The following NRXN1 variants were observed in gnomAD, a reference collection of about 807,000 sequenced individuals.
The protein encoded by NRXN1 is neurexin-1.
A neutral mutation model predicts 150.9 loss-of-function variants in NRXN1; 39 were observed. That is an observed-to-expected ratio of 0.26 (90% confidence interval 0.20 to 0.34). NRXN1 has a LOEUF of 0.34. Among genes scored for constraint, NRXN1 ranks in the 10% least tolerant of loss-of-function variants. The pLI is 1.00. For synonymous variants in NRXN1, 924 were observed against 757.0 expected, an observed-to-expected ratio of 1.22 and a Z score of -3.62; for missense variants, 1,815 against 1,949.9, an observed-to-expected ratio of 0.93 and a Z score of 1.30.
At chr2:50,663,497 G>C (rs1471749180) in intron 5 of NRXN1, among the ~76,000 whole-genome samples, 1 of 151,952 alleles carries the variant, frequency 6.6e-6, no homozygotes, top group Non-Finnish European at 1.5e-5. Flanking sequence ...TTAAATTGGA[G>C]ACTGAAGTCT....
At chr2:51,001,928 C>T (rs1046046805) in intron 2 of NRXN1, among the ~76,000 whole-genome samples, 1 of 151,894 alleles carries the variant, frequency 6.6e-6, no homozygotes, top group Non-Finnish European at 1.5e-5. Flanking sequence ...GATACCCTCC[C>T]TATATTGGGA....
intron 17 of NRXN1, among the ~76,000 whole-genome samples, chr2:50,377,776 G>C (rs1312811750): frequency 6.6e-6 from 1 of 152,090 alleles, no homozygotes; most frequent in Non-Finnish European, 1.5e-5. Flanking sequence ...AGAAAAACAA[G>C]AAAAGTCATC....
chr2:50,783,578 G>C (rs374653684), intron 5 of NRXN1, among the ~76,000 whole-genome samples: 1 of 152,054 alleles, frequency 6.6e-6, no homozygotes, highest in Admixed American at 6.6e-5. Context: ...CTATGGAAAA[G>C]AACAGTACAA....
chr2:49,926,617 G>GA (rs1401510508), intron 22 of NRXN1, among the ~76,000 whole-genome samples: 1 of 151,998 alleles, frequency 6.6e-6, no homozygotes, highest in East Asian at 1.9e-4. Context: ...TTGTCACATA[G>GA]AAAAAATAAA....
intron 9 of NRXN1, among the ~76,000 whole-genome samples, chr2:50,547,941 T>C (rs1307624293): frequency 1.3e-5 from 2 of 152,126 alleles, no homozygotes; most frequent in East Asian, 1.9e-4. Context: ...ATGTCTCAGA[T>C]TGGAAGAAGG....
intron 2 of NRXN1, among the ~76,000 whole-genome samples, chr2:51,023,681 A>G (rs1021026220): frequency 6.6e-6 from 1 of 152,196 alleles, no homozygotes; most frequent in Non-Finnish European, 1.5e-5. Context: ...GAAAGTAATA[A>G]TTATTTCTGC....
At chr2:50,359,753 A>G (rs551729420) in intron 17 of NRXN1, among the ~76,000 whole-genome samples, 8 of 152,084 alleles carry the variant, frequency 5.3e-5, no homozygotes, top group Non-Finnish European at 1.2e-4. Flanking sequence ...GGAAATACAG[A>G]GAACACCACA....
chr2:50,680,107 C>T (rs1433988241), intron 5 of NRXN1, among the ~76,000 whole-genome samples: 1 of 152,026 alleles, frequency 6.6e-6, no homozygotes, highest in Non-Finnish European at 1.5e-5. Flanking sequence ...TGTGATTGCA[C>T]CTCTGCACTC....
chr2:50,828,558 G>T (rs1489521449), intron 5 of NRXN1, among the ~76,000 whole-genome samples: 10 of 151,402 alleles, frequency 6.6e-5, no homozygotes, highest in Non-Finnish European at 1.5e-4. Context: ...ACGGGGTCGC[G>T]GCCGGGCAGA....
intron 10 of NRXN1, among the ~76,000 whole-genome samples, chr2:50,534,961 C>G (rs1030087999): frequency 3.9e-5 from 6 of 152,076 alleles, no homozygotes; most frequent in African/African-American, 1.4e-4. Flanking sequence ...CTCCAGAAAG[C>G]TGCAGGACTG....
intron 18 of NRXN1, among the ~76,000 whole-genome samples, chr2:50,099,365 C>CT (rs60580965): frequency 0.59 from 89,243 of 151,510 alleles, 26,972 homozygotes; most frequent in African/African-American, 0.69. Context: ...CATCAATTTT[C>CT]TTTTTTTTAA....
At chr2:50,620,248 A>G in intron 7 of NRXN1, 65 bp from the exon 8 acceptor site, 1 of 1,489,976 alleles carries the variant, frequency 6.7e-7, no homozygotes, top group South Asian at 1.3e-5. Context: ...ATCCTGGGAT[A>G]TGCCTGTTTT....
chr2:50,115,010 T>A (rs1702847018), intron 18 of NRXN1, among the ~76,000 whole-genome samples: 1 of 151,860 alleles, frequency 6.6e-6, no homozygotes, highest in Admixed American at 6.6e-5. Context: ...AACTATGGAC[T>A]TTGTGTGATA....
chr2:50,016,441 A>G (rs1400540585), intron 21 of NRXN1: 4 of 152,190 alleles, frequency 2.6e-5, no homozygotes, highest in Admixed American at 6.5e-5. Context: ...TCACCCTGCT[A>G]TAAGGAACTG....
intron 22 of NRXN1, among the ~76,000 whole-genome samples, chr2:49,924,030 C>T (rs1668666288): frequency 1.3e-5 from 2 of 152,202 alleles, no homozygotes; most frequent in South Asian, 4.1e-4. Flanking sequence ...ATAGAATCTA[C>T]TGCAGTAACT....
chr2:50,752,450 C>T (rs928651124), intron 5 of NRXN1, among the ~76,000 whole-genome samples: 25 of 151,862 alleles, frequency 1.6e-4, no homozygotes, highest in Non-Finnish European at 3.1e-4. Flanking sequence ...AGCTAATGTT[C>T]ATAAAATTTT....
intron 5 of NRXN1, among the ~76,000 whole-genome samples, chr2:50,686,826 G>A (rs752137256): frequency 3.3e-5 from 5 of 152,094 alleles, no homozygotes; most frequent in African/African-American, 4.8e-5. Context: ...TTAGGTCAAG[G>A]CATCTTTTGT....
chr2:50,265,573 T>C (rs1257102651), intron 17 of NRXN1, among the ~76,000 whole-genome samples: 1 of 152,200 alleles, frequency 6.6e-6, no homozygotes, highest in Non-Finnish European at 1.5e-5. Flanking sequence ...CAAGACTGTT[T>C]CTGATTCATT....
chr2:50,101,185 A>G (rs1700929715), intron 18 of NRXN1, among the ~76,000 whole-genome samples: 1 of 152,100 alleles, frequency 6.6e-6, no homozygotes, highest in South Asian at 2.1e-4. Flanking sequence ...CACATTGTAC[A>G]GTAATTCAGG....
Sources: gnomAD v4.1 joint callset for allele counts (sites outside exome capture counted in the v4.1 genomes callset) on GRCh38, gnomAD v4.1.1 for gene constraint, MANE v1.5 for transcripts, NCBI Gene and HGNC (gene_info 2026-07-23, HGNC 2026-07-21) for gene names.